Variants in IQGAP1 observed in about 807,000 individuals in gnomAD.
IQGAP1 encodes the protein ras GTPase-activating-like protein IQGAP1.
In IQGAP1, 66 loss-of-function variants were observed where a neutral mutation model predicts 215.6. That is an observed-to-expected ratio of 0.31 (90% CI 0.25 to 0.38). The LOEUF (loss-of-function observed/expected upper bound fraction) is 0.38, where lower values mean the gene tolerates loss of function less well. Ranked by LOEUF, IQGAP1 falls within the 10% of genes least tolerant of loss-of-function variation. The pLI is 1.00. For missense variants in IQGAP1, 1,712 were observed against 1,997.1 expected (o/e 0.86, Z 2.72); for synonymous variants, 772 against 728.7 (o/e 1.06, Z -0.96).
chr15:90,467,360 G>T, intron 17 of IQGAP1, 90 bp from the exon 18 acceptor site: 1 of 1,332,118 alleles, frequency 7.5e-7, no homozygotes, highest in Non-Finnish European at 1.0e-6. Context: ...CATTTAGACT[G>T]TGAGACTAAC....
rs1442868976 is a variant in IQGAP1, at chr15:90,441,563, C to T, written c.707C>T (p.Thr236Ile). 1 of 1,613,828 alleles carries T rather than the reference C, an allele frequency of 6.2e-7. No homozygotes were observed. The highest frequency in any genetic ancestry group is 1.1e-5 in the South Asian group (1 of 91,072). The change falls in exon 8 of 38, where the codon ACA becomes ATA. Residue 236 changes from threonine to isoleucine, a missense_variant. Coordinates refer to ENST00000268182, the MANE Select transcript of IQGAP1 (RefSeq NM_003870.4). ...ATTGACCGTAGAATTCCAGCCGACA[C>T]ATTTGCAGCTTTGAAAAATCCGAAT... ...EAIDRRIPAD[T>I]FAALKNPNAM...
At chr15:90,427,005 C>T (rs2151014202) in intron 3 of IQGAP1, among the ~76,000 whole-genome samples, 1 of 151,234 alleles carries the variant, frequency 6.6e-6, no homozygotes, top group African/African-American at 2.4e-5. Context: ...CACTGATTCT[C>T]ACCTGTAATC....
At chr15:90,419,571 G>A (rs1965104469) in intron 2 of IQGAP1, among the ~76,000 whole-genome samples, 1 of 152,112 alleles carries the variant, frequency 6.6e-6, no homozygotes, top group African/African-American at 2.4e-5. Context: ...CCTGTTGTCT[G>A]CTTGTTACAT....
intron 2 of IQGAP1, among the ~76,000 whole-genome samples, chr15:90,425,638 AC>A (rs1965210943): frequency 6.6e-6 from 1 of 152,124 alleles, no homozygotes; most frequent in African/African-American, 2.4e-5. Flanking sequence ...TGTTTTGATA[AC>A]CCCCAAGCAA....
At chr15:90,487,329 A>G (rs1367621361) in intron 32 of IQGAP1, 166 bp from the exon 33 acceptor site, 10 of 659,510 alleles carry the variant, frequency 1.5e-5, no homozygotes, top group Non-Finnish European at 2.1e-5. Context: ...TACTTATGGA[A>G]TGGCTGGGTA....
chr15:90,396,977 C>T lies in IQGAP1; in HGVS notation c.155+6104C>T, dbSNP rs143681316. On this transcript the variant is annotated intron_variant, in intron 2 of 37. Transcript: ENST00000268182. ...AAACGATTCTCCTTCCTCACCCTCC[C>T]GAGTAGCTGGGATTACAGGTGCCCA... 8.7e-3 allele frequency among the ~76,000 whole-genome samples: 1,324 copies of T among 152,188 alleles called. 39 individuals carry two copies. The East Asian group carries it at 0.11, about 12-fold the overall frequency.
rs758751784 is a variant in IQGAP1, at chr15:90,492,686, T to C, written c.4603T>C (p.Leu1535=). ...DYYKSYIKTC[L]DNLASKGKVS... ...CTATAAAAGCTATATCAAAACCTGC[T>C]TGGATAACTTAGCCAGCAAGGGCAA... Residue 1535 remains leucine (L), a synonymous_variant, in exon 35 of 38, where the codon TTG becomes CTG. Transcript: ENST00000268182. 1 of 1,611,744 alleles carries C rather than the reference T, an allele frequency of 6.2e-7. No homozygotes were observed. The highest frequency in any genetic ancestry group is 8.5e-7 in the Non-Finnish European group (1 of 1,179,364).
At chr15:90,475,753 CAAAAAAA>C (rs746640708) in intron 23 of IQGAP1, 4 of 69,728 alleles carry the variant, frequency 5.7e-5, no homozygotes, top group Non-Finnish European at 9.4e-5. Context: ...ACTCTATCTC[CAAAAAAA>C]AAAAAAAAAA....
At chr15:90,439,300 A>T in intron 5 of IQGAP1, 32 bp from the exon 6 acceptor site, 1 of 1,581,546 alleles carries the variant, frequency 6.3e-7, no homozygotes, top group Middle Eastern at 1.7e-4. Context: ...CACAGCTGGG[A>T]GGCCTAACCT....
chr15:90,465,999 A>G lies in IQGAP1; in HGVS notation c.1777-2A>G. On this transcript the variant is annotated splice_acceptor_variant, in intron 15 of 37. Coordinates refer to ENST00000268182, the MANE Select transcript of IQGAP1 (RefSeq NM_003870.4). LOFTEE classifies it high-confidence loss of function. Reference sequence around the variant, plus strand: ...TAATATTTTGCTTTTAATGATATGTAGGAAATCCAGGATGAGTCAGCTGTG... The same window carrying G: ...TAATATTTTGCTTTTAATGATATGTGGGAAATCCAGGATGAGTCAGCTGTG... 6.2e-7 allele frequency: 1 copy of G among 1,613,372 alleles called. No homozygotes were observed. The highest frequency in any genetic ancestry group is 1.1e-5 in the South Asian group (1 of 91,064).
Position 90,487,219 on chromosome 15 carries a change from C to T in IQGAP1, c.4160+130C>T, listed in dbSNP as rs537331267. The T allele has an allele frequency of 7.0e-6, 6 of 855,958 alleles. No individual in the cohort carries two copies. In the South Asian group the frequency reaches 9.8e-5, roughly 14 times the overall value. The allele number at this position is 855,958 out of a possible 1,614,324, so 53.0% of individuals were successfully genotyped here. A position where few individuals can be genotyped will look rare whatever the true frequency, so the allele number is the denominator to read the frequency against. Reference sequence around the variant, plus strand: ...TCGTACTTGTCATAATCCCAGTCACCAATCACCTCGCATATTGTACTTGGT... The same window carrying T: ...TCGTACTTGTCATAATCCCAGTCACTAATCACCTCGCATATTGTACTTGGT... On this transcript the variant is annotated intron_variant, in intron 32 of 37. Transcript: ENST00000268182.
In IQGAP1 at chr15:90,452,806, A is replaced by C; in HGVS notation, c.1194A>C (p.Ala398=). The C allele has an allele frequency of 6.2e-7, 1 of 1,614,168 alleles. No individual in the cohort carries two copies. Among genetic ancestry groups the C allele is most frequent in the Non-Finnish European group, 8.5e-7 (1 of 1,180,002 alleles). The change falls in exon 12 of 38, where the codon GCA becomes GCC. Residue 398 remains alanine (A), a synonymous_variant. Coordinates refer to ENST00000268182, the MANE Select transcript of IQGAP1 (RefSeq NM_003870.4). ...CAGCAGTAGCACTGATTAATGCTGC[A>C]ATCCAGAAGGGTGTTGCTGAGAAGA... ...RLAAVALINA[A]IQKGVAEKTV...
intron 33 of IQGAP1, 75 bp from the exon 34 acceptor site, chr15:90,491,258 G>A (rs1377386131): frequency 1.6e-6 from 2 of 1,242,388 alleles, no homozygotes; most frequent in Non-Finnish European, 1.2e-6. Flanking sequence ...AAGTTCAGGT[G>A]CAAATGTGCT....
rs1965219587 is a variant in IQGAP1, at chr15:90,426,186, C to G, written c.232C>G (p.Leu78Val). ...LEEGLRNGVY[L>V]AKLGNFFSPK... ...GGAGGGGCTTAGGAATGGGGTCTACCTTGCCAAACTGGGGAACTTCTTCTC... is the reference window on the plus strand; with the variant it reads ...GGAGGGGCTTAGGAATGGGGTCTACGTTGCCAAACTGGGGAACTTCTTCTC... The change falls in exon 3 of 38, where the codon CTT becomes GTT. Residue 78 changes from leucine (L) to valine (V), a missense_variant. Physicochemically the swap from Leu to Val is conservative, Grantham distance 32. This residue lies in a region of IQGAP1 where 1,021 missense variants were observed against 1,074.2 expected (regional missense o/e 0.95). Transcript: ENST00000268182. 26 of 1,600,718 alleles carry G rather than the reference C, an allele frequency of 1.6e-5. No individual in the cohort carries two copies. The highest frequency in any genetic ancestry group is 2.0e-5 in the Non-Finnish European group (23 of 1,175,454).
chr15:90,389,961 A>G (rs2151692220), intron 1 of IQGAP1, among the ~76,000 whole-genome samples: 1 of 152,026 alleles, frequency 6.6e-6, no homozygotes, highest in South Asian at 2.1e-4. Context: ...TCTCAAAAAA[A>G]AAAAAAAAAA....
At chr15:90,464,723 G>C (rs966564590) in intron 15 of IQGAP1, among the ~76,000 whole-genome samples, 1 of 151,940 alleles carries the variant, frequency 6.6e-6, no homozygotes, top group South Asian at 2.1e-4. Context: ...GTGGTGGCGG[G>C]TGCACGTAGT....
intron 2 of IQGAP1, among the ~76,000 whole-genome samples, chr15:90,405,428 T>C (rs1964863975): frequency 6.6e-6 from 1 of 152,246 alleles, no homozygotes; most frequent in Admixed American, 6.5e-5. Flanking sequence ...ACATAAAGAC[T>C]GTGAAGAGAT....
At chr15:90,446,366 A>T (rs1008465901) in intron 9 of IQGAP1, among the ~76,000 whole-genome samples, 2 of 152,204 alleles carry the variant, frequency 1.3e-5, no homozygotes, top group Non-Finnish European at 2.9e-5. Context: ...TCCCTCAAAT[A>T]CCTTTCAGTA....
chr15:90,413,204 G>T (rs1023500719), intron 2 of IQGAP1, among the ~76,000 whole-genome samples: 1 of 152,052 alleles, frequency 6.6e-6, no homozygotes. Flanking sequence ...TATTTCTGTG[G>T]ATCTAACCAT....
Sources: gnomAD v4.1 joint callset for allele counts (sites outside exome capture counted in the v4.1 genomes callset) on GRCh38, gnomAD v4.1.1 for gene constraint, gnomAD v4.1.1 regional missense constraint, MANE v1.5 for transcripts, NCBI Gene and HGNC (gene_info 2026-07-23, HGNC 2026-07-21) for gene names.